SUPT3H: variants seen among roughly 807,000 people sequenced by gnomAD.
The protein encoded by SUPT3H is SPT3 homolog, SAGA and STAGA complex component.
SUPT3H carries 44 observed loss-of-function variants against 44.3 expected under a neutral mutation model. That is an observed-to-expected ratio of 0.99 (90% confidence interval 0.78 to 1.28). The LOEUF is 1.28. Among genes scored for constraint, SUPT3H ranks in the 50% most tolerant of loss-of-function variants. The pLI is 0.00. For missense variants in SUPT3H, 380 were observed against 387.1 expected (o/e 0.98, Z 0.15); for synonymous variants, 124 against 125.6 (o/e 0.99, Z 0.09).
chr6:45,072,969 G>C (rs1794582222), intron 3 of SUPT3H, among the ~76,000 whole-genome samples: 1 of 152,014 alleles, frequency 6.6e-6, no homozygotes, highest in African/African-American at 2.4e-5. Flanking sequence ...CGAAACAATA[G>C]TATCATTTAT....
chr6:45,004,945 C>T (rs1462677149), intron 5 of SUPT3H, among the ~76,000 whole-genome samples: 1 of 152,134 alleles, frequency 6.6e-6, no homozygotes, highest in Non-Finnish European at 1.5e-5. Flanking sequence ...TATTGATGGG[C>T]ATAAACTTTG....
intron 2 of SUPT3H, among the ~76,000 whole-genome samples, chr6:45,284,894 A>G (rs1206778315): frequency 6.6e-6 from 1 of 152,240 alleles, no homozygotes; most frequent in African/African-American, 2.4e-5. Context: ...CTTATCCACC[A>G]TGATCAAGTG....
intron 2 of SUPT3H, among the ~76,000 whole-genome samples, chr6:45,203,349 C>T (rs1404048597): frequency 6.6e-6 from 1 of 152,186 alleles, no homozygotes; most frequent in African/African-American, 2.4e-5. Context: ...CACTCTGTAC[C>T]TAAATGATCA....
intron 2 of SUPT3H, among the ~76,000 whole-genome samples, chr6:45,176,537 A>C (rs1160526168): frequency 6.6e-6 from 1 of 152,046 alleles, no homozygotes; most frequent in Non-Finnish European, 1.5e-5. Flanking sequence ...TAGGTAAACA[A>C]AGCAGCCAGG....
intron 3 of SUPT3H, among the ~76,000 whole-genome samples, chr6:45,092,750 C>A (rs888482050): frequency 5.0e-3 from 633 of 127,694 alleles, no homozygotes; most frequent in African/African-American, 7.0e-3. Flanking sequence ...GACTTCGTCT[C>A]AAAAAAAAAA....
rs1816014439 is a variant in SUPT3H at position 45,196,317 on chromosome 6, C to T, written c.102-90311G>A. On this transcript the variant is annotated intron_variant, in intron 2 of 10. Transcript: ENST00000371459. ...TAAAACCACAAATAGTAAAAGTGTA[C>T]TCAGTCTACTGCAAACATAAATAGC... 2.6e-5 allele frequency among the ~76,000 whole-genome samples: 4 copies of T among 152,014 alleles called. No individual in the cohort carries two copies. The South Asian group carries it at 6.2e-4, about 24-fold the overall frequency.
At chr6:44,926,007 G>A (rs1354660977) in intron 10 of SUPT3H, among the ~76,000 whole-genome samples, 5 of 151,848 alleles carry the variant, frequency 3.3e-5, no homozygotes, top group Non-Finnish European at 7.4e-5. Context: ...TATATATTCA[G>A]GTAGTACATA....
chr6:44,819,652 CA>C (rs1561833817), intron 11 of SUPT3H, among the ~76,000 whole-genome samples: 1 of 151,508 alleles, frequency 6.6e-6, no homozygotes, highest in Admixed American at 6.6e-5. Context: ...AAATGCTGGG[CA>C]TGGTGGCATG....
intron 2 of SUPT3H, among the ~76,000 whole-genome samples, chr6:45,348,235 G>C (rs1791290285): frequency 6.6e-6 from 1 of 151,932 alleles, no homozygotes; most frequent in Non-Finnish European, 1.5e-5. Context: ...GAGTCAGAAA[G>C]ACCAAATCTA....
At chr6:45,208,849 C>G (rs1271927705) in intron 2 of SUPT3H, among the ~76,000 whole-genome samples, 3 of 147,702 alleles carry the variant, frequency 2.0e-5, no homozygotes, top group East Asian at 4.0e-4. Context: ...AAAAGACAGG[C>G]TGACCCTCTT....
chr6:45,321,926 T>TA, intron 2 of SUPT3H: 1 of 1,168,188 alleles, frequency 8.6e-7, no homozygotes, highest in East Asian at 2.6e-5. Flanking sequence ...CTTAGATGGT[T>TA]AAAACATATT....
chr6:44,989,051 G>A (rs1029512301), intron 6 of SUPT3H, among the ~76,000 whole-genome samples: 10 of 152,062 alleles, frequency 6.6e-5, no homozygotes, highest in Non-Finnish European at 1.5e-4. Context: ...ATAGTTGTAT[G>A]TGAAAGTACC....
intron 3 of SUPT3H, among the ~76,000 whole-genome samples, chr6:45,028,188 T>A (rs908722196): frequency 2.0e-5 from 3 of 152,238 alleles, no homozygotes; most frequent in Admixed American, 2.0e-4. Flanking sequence ...TGTCTAGGAT[T>A]TCTAATACTG....
At chr6:44,923,231 A>G (rs1358378619) in intron 10 of SUPT3H, among the ~76,000 whole-genome samples, 1 of 152,148 alleles carries the variant, frequency 6.6e-6, no homozygotes, top group African/African-American at 2.4e-5. Flanking sequence ...TGGAGAAAAT[A>G]CAGAGGGATG....
At chr6:45,237,938 T>C (rs1216531541) in intron 2 of SUPT3H, among the ~76,000 whole-genome samples, 1 of 152,176 alleles carries the variant, frequency 6.6e-6, no homozygotes, top group Non-Finnish European at 1.5e-5. Flanking sequence ...GGTCTTTAAT[T>C]GTCATAGATT....
chr6:44,848,643 A>G (rs978132232), intron 10 of SUPT3H, among the ~76,000 whole-genome samples: 1 of 152,192 alleles, frequency 6.6e-6, no homozygotes, highest in South Asian at 2.1e-4. Flanking sequence ...ACTTACAATT[A>G]TAAGAGAGTC....
chr6:45,278,579 G>C (rs778779297), intron 2 of SUPT3H, among the ~76,000 whole-genome samples: 1 of 152,128 alleles, frequency 6.6e-6, no homozygotes, highest in African/African-American at 2.4e-5. Context: ...GACAACTAGC[G>C]AACTAGCTTC....
intron 2 of SUPT3H, among the ~76,000 whole-genome samples, chr6:45,229,081 CA>C (rs1351217334): frequency 6.6e-6 from 1 of 152,114 alleles, no homozygotes; most frequent in Non-Finnish European, 1.5e-5. Context: ...TAAACCCTAA[CA>C]TTTTTTAAAA....
At chr6:45,108,855 C>G (rs768988177) in intron 2 of SUPT3H, among the ~76,000 whole-genome samples, 1 of 151,934 alleles carries the variant, frequency 6.6e-6, no homozygotes, top group Non-Finnish European at 1.5e-5. Context: ...AAAACTAAAA[C>G]TATAAAAGTA....
Sources: gnomAD v4.1 joint callset for allele counts (sites outside exome capture counted in the v4.1 genomes callset) on GRCh38, gnomAD v4.1.1 for gene constraint, MANE v1.5 for transcripts, NCBI Gene and HGNC (gene_info 2026-07-23, HGNC 2026-07-21) for gene names.